The following PDZRN4 variants were observed in gnomAD, a reference collection of about 807,000 sequenced individuals.
The protein encoded by PDZRN4 is PDZ domain-containing RING finger protein 4.
Under a neutral mutation model 99.0 loss-of-function variants are expected in PDZRN4, and 70 were observed. That is an observed-to-expected ratio of 0.71 (90% CI 0.58 to 0.86). PDZRN4 has a LOEUF of 0.86. Among genes scored for constraint, PDZRN4 ranks in the 40% least tolerant of loss-of-function variants. The pLI, the probability that PDZRN4 is intolerant of heterozygous loss-of-function variation, is 0.00. For missense variants in PDZRN4, 1,474 were observed against 1,331.2 expected (o/e 1.11, Z -1.67); for synonymous variants, 551 against 501.6 (o/e 1.10, Z -1.32).
Position 41,188,964 on chromosome 12 carries a change from G to A in PDZRN4, c.509G>A (p.Arg170His), listed in dbSNP as rs746228523. 6.8e-7 allele frequency: 1 copy of A among 1,464,270 alleles called. No homozygotes were observed. The highest frequency in any genetic ancestry group is 9.0e-7 in the Non-Finnish European group (1 of 1,109,430). 90.7% of individuals were successfully genotyped at this position (1,464,270 alleles called of 1,614,324 possible). A position where few individuals can be genotyped will look rare whatever the true frequency, so the allele number is the denominator to read the frequency against. The change falls in exon 1 of 10, where the codon CGC becomes CAC. Residue 170 changes from arginine to histidine, a missense_variant. Physicochemically the swap from Arg to His is conservative, Grantham distance 29. Transcript: ENST00000402685. ...CCTCGGGTCCTCGCCTGGAGGCGGC[G>A]CGAGAAGGCGCTGCTGGCGCAGCTC... ...PGPRVLAWRRREKALLAQLWA... is the reference protein window; with the variant it reads ...PGPRVLAWRRHEKALLAQLWA...
At chr12:41,476,083 T>TGAC (rs1172821486) in intron 3 of PDZRN4, among the ~76,000 whole-genome samples, 1 of 152,224 alleles carries the variant, frequency 6.6e-6, no homozygotes, top group African/African-American at 2.4e-5. Flanking sequence ...ATTTGTTGAC[T>TGAC]GACAGCCTTT....
intron 3 of PDZRN4, among the ~76,000 whole-genome samples, chr12:41,230,336 C>T (rs1444873412): frequency 6.6e-6 from 1 of 151,974 alleles, no homozygotes; most frequent in Non-Finnish European, 1.5e-5. Flanking sequence ...GCCTTCCTAG[C>T]CCCTCTACTT....
chr12:41,378,258 C>G (rs1476721115), intron 3 of PDZRN4, among the ~76,000 whole-genome samples: 1 of 152,062 alleles, frequency 6.6e-6, no homozygotes, highest in Non-Finnish European at 1.5e-5. Flanking sequence ...ATTCTTCTTC[C>G]TGTTAATACG....
intron 3 of PDZRN4, among the ~76,000 whole-genome samples, chr12:41,285,634 G>A (rs952351464): frequency 6.6e-6 from 1 of 152,152 alleles, no homozygotes; most frequent in African/African-American, 2.4e-5. Context: ...ACTGGACAAA[G>A]AAAATATGGC....
At chr12:41,478,915 G>A (rs1183152506) in intron 3 of PDZRN4, among the ~76,000 whole-genome samples, 4 of 152,152 alleles carry the variant, frequency 2.6e-5, no homozygotes, top group African/African-American at 2.4e-5. Context: ...TTCAGCATTT[G>A]TAGAGATGTT....
chr12:41,343,129 G>A (rs1009462970), intron 3 of PDZRN4, among the ~76,000 whole-genome samples: 8 of 151,858 alleles, frequency 5.3e-5, no homozygotes, highest in African/African-American at 1.9e-4. Flanking sequence ...GACACAGAAA[G>A]ACAGATACTA....
In PDZRN4 at chr12:41,321,660, G is replaced by C. The variant is rs182536688; in HGVS notation, c.843+127472G>C. Among the ~76,000 whole-genome samples, 320 of 152,030 alleles carry C rather than the reference G, an allele frequency of 2.1e-3. 2 individuals are homozygous for C. The highest frequency in any genetic ancestry group is 7.0e-3 in the African/African-American group (292 of 41,444). On this transcript the variant is annotated intron_variant, in intron 3 of 9. Transcript: ENST00000402685. ...GCTTTGTTTGTTTGTTTTGGTTTTG[G>C]TTTTTTGGATGGAGTCTGATCAGTC... is the stretch of plus-strand genomic sequence containing the variant.
At chr12:41,199,403 T>C (rs1360491833) in intron 3 of PDZRN4, among the ~76,000 whole-genome samples, 1 of 152,096 alleles carries the variant, frequency 6.6e-6, no homozygotes, top group Non-Finnish European at 1.5e-5. Flanking sequence ...TTACACACTA[T>C]TGGTTGGAAT....
intron 3 of PDZRN4, among the ~76,000 whole-genome samples, chr12:41,384,344 A>G (rs1383974639): frequency 6.6e-6 from 1 of 152,172 alleles, no homozygotes; most frequent in Non-Finnish European, 1.5e-5. Context: ...AAACAATGCT[A>G]GTAATATCCT....
chr12:41,484,663 C>CA (rs1937740503), intron 3 of PDZRN4, among the ~76,000 whole-genome samples: 1 of 152,138 alleles, frequency 6.6e-6, no homozygotes, highest in Non-Finnish European at 1.5e-5. Flanking sequence ...TAACCCTGAC[C>CA]AAACCAAGGA....
intron 3 of PDZRN4, among the ~76,000 whole-genome samples, chr12:41,348,462 G>C (rs1198036502): frequency 6.6e-6 from 1 of 152,054 alleles, no homozygotes; most frequent in East Asian, 1.9e-4. Context: ...ACCAAACTGT[G>C]CTAGTAGTCA....
intron 3 of PDZRN4, among the ~76,000 whole-genome samples, chr12:41,418,683 A>G (rs572716273): frequency 6.6e-6 from 1 of 152,296 alleles, no homozygotes; most frequent in African/African-American, 2.4e-5. Context: ...GTTGTTATGT[A>G]AAACAAAGCA....
chr12:41,425,495 T>A (rs752036220), intron 3 of PDZRN4, among the ~76,000 whole-genome samples: 5 of 152,054 alleles, frequency 3.3e-5, no homozygotes, highest in African/African-American at 4.8e-5. Context: ...TGCCAGATGG[T>A]GTTCCTGTAC....
At chr12:41,330,680 A>C (rs988664159) in intron 3 of PDZRN4, among the ~76,000 whole-genome samples, 2 of 152,056 alleles carry the variant, frequency 1.3e-5, no homozygotes, top group African/African-American at 4.8e-5. Context: ...AAAAAGTATT[A>C]GGTCAATATG....
chr12:41,376,189 G>T (rs1379446668), intron 3 of PDZRN4, among the ~76,000 whole-genome samples: 1 of 152,028 alleles, frequency 6.6e-6, no homozygotes, highest in Admixed American at 6.6e-5. Context: ...ACTGAACATG[G>T]GAGTGCTGGT....
intron 3 of PDZRN4, among the ~76,000 whole-genome samples, chr12:41,393,525 C>T (rs1204718679): frequency 1.3e-5 from 2 of 151,702 alleles, no homozygotes; most frequent in East Asian, 1.9e-4. Context: ...AAAAATGTAG[C>T]TTTTCTTATT....
At chr12:41,483,326 G>A (rs1384688985) in intron 3 of PDZRN4, among the ~76,000 whole-genome samples, 1 of 152,074 alleles carries the variant, frequency 6.6e-6, no homozygotes, top group African/African-American at 2.4e-5. Flanking sequence ...TAAAAGAGAA[G>A]GATATCAAGA....
chr12:41,534,147 A>G (rs183606152), intron 5 of PDZRN4, among the ~76,000 whole-genome samples: 9 of 152,236 alleles, frequency 5.9e-5, no homozygotes, highest in Admixed American at 5.9e-4. Context: ...CATTATTTTA[A>G]CTTTTTAAGC....
intron 3 of PDZRN4, among the ~76,000 whole-genome samples, chr12:41,364,315 G>A (rs982935651): frequency 3.3e-5 from 5 of 151,926 alleles, no homozygotes; most frequent in African/African-American, 9.7e-5. Context: ...TTTTTTCTGA[G>A]TGGCAGAACC....
Sources: gnomAD v4.1 joint callset for allele counts (sites outside exome capture counted in the v4.1 genomes callset) on GRCh38, gnomAD v4.1.1 for gene constraint, MANE v1.5 for transcripts, NCBI Gene and HGNC (gene_info 2026-07-23, HGNC 2026-07-21) for gene names.